The following TUSC3 variants were observed in gnomAD, a reference collection of about 807,000 sequenced individuals.
The protein encoded by TUSC3 is dolichyl-diphosphooligosaccharide--protein glycosyltransferase subunit TUSC3.
A neutral mutation model predicts 44.8 loss-of-function variants in TUSC3; 45 were observed. The observed-to-expected ratio is 1.00, with a 90% confidence interval of 0.79 to 1.29. TUSC3 has a LOEUF of 1.29. Among genes scored for constraint, TUSC3 ranks in the 50% most tolerant of loss-of-function variants. The pLI is 0.00. For missense variants in TUSC3, 519 were observed against 437.9 expected (o/e 1.19, Z -1.65); for synonymous variants, 212 against 152.9 (o/e 1.39, Z -2.85).
At chr8:15,814,834 C>T in the TUSC3 span, among the ~76,000 whole-genome samples, 1 of 152,038 alleles carries the variant, frequency 6.6e-6, no homozygotes, top group Admixed American at 6.6e-5. Flanking sequence ...AGGCTGAAAA[C>T]CAGGTGATCC....
At chr8:15,585,311 T>G (rs966261981) in intron 1 of TUSC3, among the ~76,000 whole-genome samples, 1 of 152,212 alleles carries the variant, frequency 6.6e-6, no homozygotes, top group African/African-American at 2.4e-5. Context: ...TTGAGATGGA[T>G]AATGTTACAG....
chr8:15,437,865 C>T (rs533459669), intron 1 of TUSC3, among the ~76,000 whole-genome samples: 12 of 152,094 alleles, frequency 7.9e-5, no homozygotes, highest in Non-Finnish European at 1.0e-4. Flanking sequence ...CACCTCTGCT[C>T]GTGTATAAAA....
chr8:15,528,339 T>C (rs961022401), intron 2 of TUSC3, among the ~76,000 whole-genome samples: 1 of 152,228 alleles, frequency 6.6e-6, no homozygotes, highest in Middle Eastern at 3.2e-3. Flanking sequence ...AAGAAAGCTG[T>C]GTATTTGAAG....
At chr8:15,839,505 C>T in the TUSC3 span, among the ~76,000 whole-genome samples, 3 of 145,988 alleles carry the variant, frequency 2.1e-5, no homozygotes, top group Non-Finnish European at 3.0e-5. Context: ...CCAGAATCTA[C>T]AAAGAACTCA....
intron 1 of TUSC3, among the ~76,000 whole-genome samples, chr8:15,607,401 C>G (rs549521355): frequency 6.6e-6 from 1 of 152,172 alleles, no homozygotes; most frequent in South Asian, 2.1e-4. Flanking sequence ...AGTTATAATA[C>G]ATTTGTAAAG....
chr8:15,523,197 C>A (rs192132409), intron 2 of TUSC3, among the ~76,000 whole-genome samples: 13 of 152,096 alleles, frequency 8.5e-5, no homozygotes, highest in Admixed American at 8.5e-4. Context: ...ATCCACTGCA[C>A]CAGTGAGTGA....
intron 1 of TUSC3, among the ~76,000 whole-genome samples, chr8:15,459,767 A>C (rs190698166): frequency 6.6e-6 from 1 of 152,140 alleles, no homozygotes; most frequent in Non-Finnish European, 1.5e-5. Context: ...AATAATCTCC[A>C]ATCTCATCCC....
chr8:15,487,653 A>G (rs1202061102), intron 2 of TUSC3, among the ~76,000 whole-genome samples: 9 of 152,216 alleles, frequency 5.9e-5, no homozygotes, highest in Admixed American at 6.5e-5. Context: ...CATTCAAATT[A>G]TAAGTGCTGT....
chr8:15,744,440 C>A (rs1482507118), intron 8 of TUSC3, among the ~76,000 whole-genome samples: 1 of 151,922 alleles, frequency 6.6e-6, no homozygotes, highest in Non-Finnish European at 1.5e-5. Context: ...TTTTTTCTTT[C>A]TTTGCATTTC....
Position 15,439,446 on chromosome 8 carries a change from A to G in TUSC3, n.91+22141A>G, listed in dbSNP as rs137982692. Among the ~76,000 whole-genome samples, 853 of 152,292 alleles carry G rather than the reference A, an allele frequency of 5.6e-3. 6 individuals are homozygous for G. The highest frequency in any genetic ancestry group is 0.019 in the African/African-American group (794 of 41,566). On this transcript the variant is annotated intron_variant and non_coding_transcript_variant, in intron 1 of 5. Transcript: ENST00000503191. ...GTAGGATGTTCCTGTAGTTCCAGCT[A>G]CTCAGGAGGCTGAGATGGGAGGATC...
Position 15,743,572 on chromosome 8 carries a change from T to G in TUSC3, c.897T>G (p.Asn299Lys). 1 of 1,613,966 alleles carries G rather than the reference T, an allele frequency of 6.2e-7. No individual in the cohort carries two copies. The highest frequency in any genetic ancestry group is 8.5e-7 in the Non-Finnish European group (1 of 1,179,848). ...TCACCATGGGGATGGTTCTTCTAAATGAAGCAGCAACTTCGAAAGGCGATG... is the reference window on the plus strand; with the variant it reads ...TCACCATGGGGATGGTTCTTCTAAAGGAAGCAGCAACTTCGAAAGGCGATG... The part of the protein sequence containing the change: ...AAITMGMVLL[N>K]EAATSKGDVG... Residue 299 changes from asparagine to lysine, a missense_variant, in exon 8 of 11, where the codon AAT (asparagine) becomes AAG (lysine). Physicochemically the swap from Asn to Lys is moderately conservative, Grantham distance 94. Coordinates refer to ENST00000503731, the MANE Select transcript of TUSC3 (RefSeq NM_006765.4).
At chr8:15,477,301 TAG>T (rs1800589342) in intron 1 of TUSC3, among the ~76,000 whole-genome samples, 1 of 152,190 alleles carries the variant, frequency 6.6e-6, no homozygotes, top group South Asian at 2.1e-4. Flanking sequence ...TTTTCTAGGA[TAG>T]AGTCTCAAGA....
intron 1 of TUSC3, among the ~76,000 whole-genome samples, chr8:15,595,555 A>G (rs1245594213): frequency 6.6e-6 from 1 of 152,162 alleles, no homozygotes; most frequent in East Asian, 1.9e-4. Flanking sequence ...AAACTGTTAC[A>G]TATGTTTTGT....
At chr8:15,565,735 G>A (rs1802642617) in intron 1 of TUSC3, among the ~76,000 whole-genome samples, 1 of 151,892 alleles carries the variant, frequency 6.6e-6, no homozygotes, top group Admixed American at 6.6e-5. Context: ...ACTGAAGTCT[G>A]ATACAAAGCT....
rs564994138 is a variant in TUSC3 at position 15,762,557 on chromosome 8, T to C, written c.*47-1646T>C. 4.6e-5 allele frequency among the ~76,000 whole-genome samples: 7 copies of C among 152,256 alleles called. No individual in the cohort carries two copies. The East Asian group carries it at 9.6e-4, about 21-fold the overall frequency. On this transcript the variant is annotated intron_variant, in intron 10 of 10. Coordinates refer to ENST00000503731, the MANE Select transcript of TUSC3 (RefSeq NM_006765.4). ...TATTTTTGCTTTTACAGGGGTAATA[T>C]CGTTAGCAGCAATAAAGATTACCTT...
intron 1 of TUSC3, among the ~76,000 whole-genome samples, chr8:15,617,408 G>A (rs1805045110): frequency 6.6e-6 from 1 of 151,978 alleles, no homozygotes; most frequent in Admixed American, 6.6e-5. Context: ...AAAGTGCTAG[G>A]ATTACAGGCG....
chr8:15,622,948 TG>T, intron 1 of TUSC3, 131 bp from the exon 2 acceptor site: 2 of 927,130 alleles, frequency 2.2e-6, no homozygotes, highest in Non-Finnish European at 3.2e-6. Context: ...AGCAGAAATA[TG>T]GTCTTTTATC....
chr8:15,535,073 T>A lies in TUSC3; in HGVS notation n.189+51590T>A, dbSNP rs1230444243. ...AGGCCATATTATTTTGCTTTAACATTTCTGAAATTGGTTTCATGTGTTAAG... is the reference window on the plus strand; with the variant it reads ...AGGCCATATTATTTTGCTTTAACATATCTGAAATTGGTTTCATGTGTTAAG... On this transcript the variant is annotated intron_variant and non_coding_transcript_variant, in intron 2 of 5. Transcript: ENST00000503191. Among the ~76,000 whole-genome samples the A allele has an allele frequency of 1.3e-5, 2 of 152,248 alleles. 1 individual carries two copies. The highest frequency in any genetic ancestry group is 2.9e-5 in the Non-Finnish European group (2 of 68,044).
rs1314190720 is a variant in TUSC3, at chr8:15,699,844, C to T, written c.798+26008C>T. ...ACTTTTAAAATGGATTTCTTTTGAC[C>T]AAGTGATTATCCTTTCAACAAGTGC... On this transcript the variant is annotated intron_variant, in intron 6 of 10. Coordinates refer to ENST00000503731, the MANE Select transcript of TUSC3 (RefSeq NM_006765.4). 2.6e-5 allele frequency among the ~76,000 whole-genome samples: 4 copies of T among 151,876 alleles called. No individual in the cohort carries two copies. In the East Asian group the frequency reaches 7.7e-4, roughly 29 times the overall value.
Sources: allele counts gnomAD v4.1 joint callset (sites outside exome capture counted in the v4.1 genomes callset), GRCh38; gene constraint gnomAD v4.1.1; transcripts MANE v1.5; gene names NCBI Gene and HGNC (gene_info 2026-07-23, HGNC 2026-07-21).